Variants in GARRE1 observed in about 807,000 individuals in gnomAD.
GARRE1 encodes the protein granule associated Rac and RHOG effector 1.
In GARRE1, 49 loss-of-function variants were observed where a neutral mutation model predicts 103.2. The ratio of observed to expected loss-of-function variants is 0.47; its 90% CI spans 0.38 to 0.60. GARRE1 has a LOEUF of 0.60. GARRE1 is among the 20% of genes least tolerant of loss of function. GARRE1 has a pLI of 0.00. For missense variants in GARRE1, 1,199 were observed against 1,370.5 expected (o/e 0.87, Z 1.98); for synonymous variants, 505 against 532.8 (o/e 0.95, Z 0.72).
chr19:34,259,003 TAGTG>T, intron 1 of GARRE1, among the ~76,000 whole-genome samples: 1 of 151,950 alleles, frequency 6.6e-6, no homozygotes, highest in Admixed American at 6.6e-5. Context: ...CTAGGCAACA[TAGTG>T]AGACTCCAAA....
At chr19:34,261,345 G>A (rs569414484) in intron 1 of GARRE1, among the ~76,000 whole-genome samples, 1 of 152,284 alleles carries the variant, frequency 6.6e-6, no homozygotes, top group Admixed American at 6.5e-5. Context: ...AGTATTCAAT[G>A]ACAGTATTAG....
At chr19:34,321,562 C>T (rs939963759) in intron 3 of GARRE1, among the ~76,000 whole-genome samples, 1 of 150,098 alleles carries the variant, frequency 6.7e-6, no homozygotes, top group Non-Finnish European at 1.5e-5. Context: ...TCAAACAATT[C>T]TCTGCCTCAG....
intron 7 of GARRE1, among the ~76,000 whole-genome samples, chr19:34,330,795 G>A (rs1402486261): frequency 6.8e-6 from 1 of 147,156 alleles, no homozygotes. Context: ...CCAGGCTGCA[G>A]TGCAGTGGCG....
rs1392829173 is a variant in GARRE1, at chr19:34,328,141, A to G, written c.1094A>G (p.Lys365Arg). The stretch of plus-strand genomic sequence containing the variant: ...AATGAGTCGGCCGCCGACAATCTGA[A>G]ACTTAAGACGGTAGCTTTCCATGGG... ...SFNESAADNL[K>R]LKTHTMLQLM... Residue 365 changes from lysine to arginine, a missense_variant, in exon 6 of 14, where the codon AAA (lysine) becomes AGA (arginine). By Grantham distance (26) the Lys-to-Arg change is conservative. Coordinates refer to ENST00000299505, the MANE Select transcript of GARRE1 (RefSeq NM_014686.5). 5 of 1,613,854 alleles carry G rather than the reference A, an allele frequency of 3.1e-6. No homozygotes were observed. The highest frequency in any genetic ancestry group is 3.4e-6 in the Non-Finnish European group (4 of 1,179,988).
At chr19:34,351,221 ATAATAAT>A (rs2074235261) in intron 12 of GARRE1, among the ~76,000 whole-genome samples, 1 of 150,222 alleles carries the variant, frequency 6.7e-6, no homozygotes, top group African/African-American at 2.4e-5. Context: ...AAATAAAATA[ATAATAAT>A]AATAATAATA....
intron 2 of GARRE1, among the ~76,000 whole-genome samples, chr19:34,313,878 G>A (rs2074048066): frequency 6.6e-6 from 1 of 152,100 alleles, no homozygotes; most frequent in African/African-American, 2.4e-5. Context: ...TTGGCTCACT[G>A]CAACCTCTGC....
chr19:34,348,515 A>G (rs2074222872), intron 11 of GARRE1: 1 of 154,834 alleles, frequency 6.5e-6, no homozygotes, highest in South Asian at 2.1e-4. Context: ...TTTATATCCC[A>G]TATTGCTACA....
intron 1 of GARRE1, among the ~76,000 whole-genome samples, chr19:34,261,436 TAATCCC>T (rs1206766281): frequency 9.5e-4 from 145 of 152,116 alleles, no homozygotes; most frequent in African/African-American, 3.5e-3. Flanking sequence ...CCTAAATAAT[TAATCCC>T]CATGGAACTG....
At chr19:34,293,746 ATT>A (rs2073931399) in intron 1 of GARRE1, among the ~76,000 whole-genome samples, 1 of 94,494 alleles carries the variant, frequency 1.1e-5, no homozygotes, top group African/African-American at 4.2e-5. Flanking sequence ...ACACACACAT[ATT>A]TCTTTTTTTT....
intron 1 of GARRE1, among the ~76,000 whole-genome samples, chr19:34,290,514 T>C (rs532375986): frequency 2.0e-5 from 3 of 152,116 alleles, no homozygotes; most frequent in South Asian, 2.1e-4. Flanking sequence ...CTCTCTCTCT[T>C]AGAGACAGGG....
In GARRE1 at chr19:34,294,840, A is replaced by C. The variant is rs192331805; in HGVS notation, c.-795-4839A>C. 1.8e-4 allele frequency among the ~76,000 whole-genome samples: 28 copies of C among 151,992 alleles called. No individual in the cohort carries two copies. The East Asian group carries it at 5.2e-3, about 28-fold the overall frequency. Reference sequence around the variant, plus strand: ...GGGTGGGCAGCAACACACCTGGCTAATTTTTTTTGTATTCTTAGTAGAGAC... The same window carrying C: ...GGGTGGGCAGCAACACACCTGGCTACTTTTTTTTGTATTCTTAGTAGAGAC... On this transcript the variant is annotated intron_variant, in intron 1 of 13. Transcript: ENST00000299505.
At chr19:34,335,614 C>T (rs1017752422) in intron 8 of GARRE1, among the ~76,000 whole-genome samples, 3 of 152,194 alleles carry the variant, frequency 2.0e-5, no homozygotes, top group African/African-American at 4.8e-5. Context: ...CAGCCTCTTC[C>T]GCCTGGGTTC....
At chr19:34,279,711 C>T (rs1217975464) in intron 1 of GARRE1, among the ~76,000 whole-genome samples, 14 of 152,158 alleles carry the variant, frequency 9.2e-5, no homozygotes, top group East Asian at 5.8e-4. Flanking sequence ...ATTGGCCGGG[C>T]GCGGTGGCTC....
Position 34,353,117 on chromosome 19 carries a change from A to C in GARRE1, c.*162A>C. ...GGGGACAAGGGTGGTTGGCAGCTCCAAGCCTTTAAACCTGGCTTCTGAAAC... is the reference window on the plus strand; with the variant it reads ...GGGGACAAGGGTGGTTGGCAGCTCCCAGCCTTTAAACCTGGCTTCTGAAAC... On this transcript the variant is annotated 3_prime_UTR_variant, in exon 14 of 14. Coordinates refer to ENST00000299505, the MANE Select transcript of GARRE1 (RefSeq NM_014686.5). 1 of 654,208 alleles carries C rather than the reference A, an allele frequency of 1.5e-6. No homozygotes were observed. The highest frequency in any genetic ancestry group is 2.5e-6 in the Non-Finnish European group (1 of 393,278). 40.5% of individuals were successfully genotyped at this position (654,208 alleles called of 1,614,324 possible).
At chr19:34,304,248 A>T (rs1351502500) in intron 2 of GARRE1, among the ~76,000 whole-genome samples, 1 of 151,612 alleles carries the variant, frequency 6.6e-6, no homozygotes, top group Non-Finnish European at 1.5e-5. Context: ...GTGCCAACAC[A>T]CCCAGCAAAT....
At chr19:34,255,172 T>C (rs953898995) in intron 1 of GARRE1, among the ~76,000 whole-genome samples, 2 of 62,390 alleles carry the variant, frequency 3.2e-5, no homozygotes, top group African/African-American at 1.4e-4. Flanking sequence ...AGCTGGCGCA[T>C]TGGGCCCGAG....
intron 1 of GARRE1, among the ~76,000 whole-genome samples, chr19:34,285,515 C>G (rs2073880838): frequency 6.6e-6 from 1 of 151,818 alleles, no homozygotes; most frequent in African/African-American, 2.4e-5. Flanking sequence ...GCCAGCTACT[C>G]AGGAGGCTGA....
intron 8 of GARRE1, among the ~76,000 whole-genome samples, chr19:34,338,599 T>C (rs922342021): frequency 2.0e-5 from 3 of 152,016 alleles, no homozygotes; most frequent in African/African-American, 7.2e-5. Context: ...ACCCAAATGA[T>C]GAGAAGCAGT....
intron 1 of GARRE1, chr19:34,296,585 G>A (rs1240908904): frequency 2.5e-6 from 4 of 1,577,364 alleles, no homozygotes; most frequent in Non-Finnish European, 3.4e-6. Flanking sequence ...TCTTCTTGAG[G>A]CCCTTCTTGT....
Sources: gnomAD v4.1 joint callset for allele counts (sites outside exome capture counted in the v4.1 genomes callset) on GRCh38, gnomAD v4.1.1 for gene constraint, MANE v1.5 for transcripts, NCBI Gene and HGNC (gene_info 2026-07-23, HGNC 2026-07-21) for gene names.